Variants in DEPDC5 observed in about 807,000 individuals in gnomAD.
The protein encoded by DEPDC5 is DEP domain containing 5, GATOR1 subcomplex subunit.
Under a neutral mutation model 217.3 loss-of-function variants are expected in DEPDC5, and 73 were observed. That is an observed-to-expected ratio of 0.34 (90% CI 0.28 to 0.41). DEPDC5 has a LOEUF of 0.41. Among genes scored for constraint, DEPDC5 ranks in the 10% least tolerant of loss-of-function variants. The pLI is 1.00. For synonymous variants in DEPDC5, 733 were observed against 756.7 expected (o/e 0.97, Z 0.51); for missense variants, 1,675 against 2,070.1 (o/e 0.81, Z 3.70).
At chr22:31,834,349 G>A (rs2090832183) in intron 25 of DEPDC5, 1 of 230,082 alleles carries the variant, frequency 4.3e-6, no homozygotes, top group Non-Finnish European at 8.7e-6. Context: ...GCCTGTAGTT[G>A]AAATATTTGG....
intron 32 of DEPDC5, chr22:31,858,319 T>C (rs1432744962): frequency 2.0e-5 from 3 of 151,564 alleles, no homozygotes; most frequent in Admixed American, 6.6e-5. Context: ...CCTGAGACTT[T>C]AGGCCTCTAT....
chr22:31,893,169 C>T (rs111354292), intron 38 of DEPDC5, among the ~76,000 whole-genome samples: 1,908 of 151,998 alleles, frequency 0.013, 37 homozygotes, highest in African/African-American at 0.042. Context: ...CCACTGTGCC[C>T]GGCTGGTGTT....
intron 12 of DEPDC5, among the ~76,000 whole-genome samples, chr22:31,794,414 A>G (rs1268155927): frequency 1.3e-5 from 2 of 152,212 alleles, no homozygotes; most frequent in African/African-American, 4.8e-5. Context: ...AAAATACTAT[A>G]TAAAGCATGA....
chr22:31,805,574 C>T (rs2087416399), intron 17 of DEPDC5, among the ~76,000 whole-genome samples: 1 of 151,688 alleles, frequency 6.6e-6, no homozygotes, highest in Admixed American at 6.6e-5. Context: ...GATCTTGGCT[C>T]ACTGCAACCT....
rs750090569 is a variant in DEPDC5 at position 31,906,129 on chromosome 22, T to C, written c.4519+63T>C. 3.1e-6 allele frequency: 5 copies of C among 1,613,528 alleles called. No homozygotes were observed. The highest frequency in any genetic ancestry group is 2.7e-5 in the African/African-American group (2 of 74,924). On this transcript the variant is annotated intron_variant, in intron 42 of 42. Transcript: ENST00000651528. The surrounding 1 kb of genome is among the most constrained non-coding windows in gnomAD (Gnocchi z 5.1). ...CATCCCTTTCCTTGCACCAAGCCTA[T>C]GGCTGCAGAACCACCTCAGCAGGCT...
chr22:31,813,355 T>A (rs2088661977), intron 20 of DEPDC5, among the ~76,000 whole-genome samples: 1 of 152,232 alleles, frequency 6.6e-6, no homozygotes, highest in African/African-American at 2.4e-5. Flanking sequence ...CCAGGTTGTG[T>A]GGTCTCTGAA....
At chr22:31,879,025 G>C (rs866401533) in intron 37 of DEPDC5, among the ~76,000 whole-genome samples, 27 of 65,076 alleles carry the variant, frequency 4.1e-4, no homozygotes, top group African/African-American at 2.3e-3. Context: ...GCGAGACTCC[G>C]TCTCAAAAAA....
intron 25 of DEPDC5, among the ~76,000 whole-genome samples, chr22:31,836,174 C>T (rs1602288275): frequency 6.6e-6 from 1 of 152,238 alleles, no homozygotes; most frequent in South Asian, 2.1e-4. Flanking sequence ...TCAATGCCTG[C>T]AGACATTTCT....
At chr22:31,805,309 G>A (rs2087381568) in intron 17 of DEPDC5, among the ~76,000 whole-genome samples, 1 of 152,142 alleles carries the variant, frequency 6.6e-6, no homozygotes, top group South Asian at 2.1e-4. Context: ...GCCAGTGCCA[G>A]TGCCTCATCT....
At chr22:31,841,310 C>G (rs938111585) in intron 27 of DEPDC5, among the ~76,000 whole-genome samples, 1 of 152,374 alleles carries the variant, frequency 6.6e-6, no homozygotes, top group East Asian at 1.9e-4. Flanking sequence ...CTGTCCTCCT[C>G]TCTCCTCTTG....
chr22:31,782,817 T>C (rs567233375), intron 8 of DEPDC5, among the ~76,000 whole-genome samples: 1 of 152,348 alleles, frequency 6.6e-6, no homozygotes. Flanking sequence ...TGTAAGCTCC[T>C]GGAGGGCAGG....
At chr22:31,821,670 C>T (rs749818206) in intron 23 of DEPDC5, 33 bp downstream of exon 23, 1 of 1,602,358 alleles carries the variant, frequency 6.2e-7, no homozygotes, top group Non-Finnish European at 8.5e-7. Context: ...GGAAGGTAAC[C>T]TGAGAACACT....
At chr22:31,846,746 G>T in intron 30 of DEPDC5, 88 bp from the exon 31 acceptor site, 1 of 1,588,790 alleles carries the variant, frequency 6.3e-7, no homozygotes, top group Non-Finnish European at 8.6e-7. Flanking sequence ...CCCGGGGCCT[G>T]GGAATGCTGC....
rs2093490070 is a variant in DEPDC5 at position 31,893,767 on chromosome 22, C to T, written c.4203+16C>T. ...CTTCGAGATGGTGAGAACCTTCATG[C>T]ATGTTGTCAGGCCTTTGGCTCACCT... On this transcript the variant is annotated intron_variant, in intron 39 of 42. Coordinates refer to ENST00000651528, the MANE Select transcript of DEPDC5 (RefSeq NM_001242896.3). The T allele has an allele frequency of 1.3e-6, 2 of 1,582,718 alleles. No homozygotes were observed. Among genetic ancestry groups the T allele is most frequent in the African/African-American group, 1.4e-5 (1 of 73,500 alleles).
At chr22:31,843,897 T>C in intron 29 of DEPDC5, 85 bp downstream of exon 29, 2 of 1,351,418 alleles carry the variant, frequency 1.5e-6, no homozygotes, top group Non-Finnish European at 2.0e-6. Flanking sequence ...GCCCTTTCTC[T>C]CTCTCTCCCT....
At chr22:31,883,898 C>T (rs375128197) in intron 38 of DEPDC5, among the ~76,000 whole-genome samples, 14 of 152,132 alleles carry the variant, frequency 9.2e-5, no homozygotes, top group African/African-American at 3.4e-4. Context: ...CTGGGTGTGT[C>T]CTTTCTTCCC....
chr22:31,824,823 T>A (rs887961890), intron 24 of DEPDC5, among the ~76,000 whole-genome samples: 8 of 150,800 alleles, frequency 5.3e-5, no homozygotes, highest in Non-Finnish European at 8.9e-5. Context: ...AAAAAAAAAA[T>A]AAAATAACTG....
intron 37 of DEPDC5, among the ~76,000 whole-genome samples, chr22:31,877,491 C>A (rs2093033823): frequency 7.2e-6 from 1 of 138,564 alleles, no homozygotes; most frequent in South Asian, 2.4e-4. Context: ...GTGGCTCACG[C>A]TTGTAATCCC....
chr22:31,857,233 G>A (rs1056997954), intron 31 of DEPDC5, among the ~76,000 whole-genome samples: 1 of 152,196 alleles, frequency 6.6e-6, no homozygotes, highest in African/African-American at 2.4e-5. Flanking sequence ...TGCTTTTAAA[G>A]TTGGGCTATT....
Sources: allele counts gnomAD v4.1 joint callset (sites outside exome capture counted in the v4.1 genomes callset), GRCh38; gene constraint gnomAD v4.1.1; non-coding constraint Gnocchi (gnomAD v3.1); transcripts MANE v1.5; gene names NCBI Gene and HGNC (gene_info 2026-07-23, HGNC 2026-07-21).